Variants in UCK2 observed in about 807,000 individuals in gnomAD.
UCK2 encodes cytidine monophosphokinase 2.
In UCK2, 6 loss-of-function variants were observed where a neutral mutation model predicts 30.8. The ratio of observed to expected loss-of-function variants is 0.19; its 90% CI spans 0.11 to 0.38. The LOEUF (loss-of-function observed/expected upper bound fraction) is 0.38, where lower values mean the gene tolerates loss of function less well. Among genes scored for constraint, UCK2 ranks in the 10% least tolerant of loss-of-function variants. The probability of loss-of-function intolerance (pLI) is 1.00; values close to 1 mark genes in which losing one functional copy is unlikely to be tolerated. For synonymous variants in UCK2, 125 were observed against 133.6 expected, an observed-to-expected ratio of 0.94 and a Z score of 0.45; for missense variants, 210 against 339.8, an observed-to-expected ratio of 0.62 and a Z score of 3.00.
At chr1:165,838,941 G>A (rs867317695) in intron 1 of UCK2, among the ~76,000 whole-genome samples, 17 of 152,018 alleles carry the variant, frequency 1.1e-4, no homozygotes, top group South Asian at 4.2e-4. Flanking sequence ...TCAGCTACTC[G>A]GGAGGCTGAG....
chr1:165,843,945 A>G (rs1303270279), intron 1 of UCK2, among the ~76,000 whole-genome samples: 2 of 152,070 alleles, frequency 1.3e-5, no homozygotes, highest in Non-Finnish European at 2.9e-5. Flanking sequence ...TTTTCAATGT[A>G]TTTCTTTTGG....
intron 1 of UCK2, among the ~76,000 whole-genome samples, chr1:165,828,789 G>T (rs1247868079): frequency 6.6e-6 from 1 of 152,152 alleles, no homozygotes; most frequent in Non-Finnish European, 1.5e-5. Flanking sequence ...TTTTTCTGCA[G>T]GTGGAGAAGG....
intron 1 of UCK2, among the ~76,000 whole-genome samples, chr1:165,870,203 T>G (rs1401190295): frequency 0.015 from 21 of 1,368 alleles, no homozygotes; most frequent in African/African-American, 0.042. Flanking sequence ...CTAACTTCAT[T>G]TTTTTTTTTT....
At chr1:165,829,266 A>C (rs1653980480) in intron 1 of UCK2, among the ~76,000 whole-genome samples, 1 of 152,218 alleles carries the variant, frequency 6.6e-6, no homozygotes. Context: ...GCTTTTAAAA[A>C]AATTTGTAAT....
rs189534450 is a variant in UCK2 at position 165,885,375 on chromosome 1, G to A, written c.100-4829G>A. On this transcript the variant is annotated intron_variant, in intron 1 of 6. Coordinates refer to ENST00000367879, the MANE Select transcript of UCK2 (RefSeq NM_012474.5). ...TTAAATGAGATAATGTCTTCAGAATGCCATGTAAGTAAAGAAATTGTGAAT... is the reference window on the plus strand; with the variant it reads ...TTAAATGAGATAATGTCTTCAGAATACCATGTAAGTAAAGAAATTGTGAAT... 3.0e-5 allele frequency: 12 copies of A among 398,520 alleles called. No individual in the cohort carries two copies. The East Asian group carries it at 4.3e-4, about 14-fold the overall frequency. 24.7% of individuals were successfully genotyped at this position (398,520 alleles called of 1,614,324 possible). A position where few individuals can be genotyped will look rare whatever the true frequency, so the allele number is the denominator to read the frequency against.
chr1:165,831,677 A>G (rs2348837), intron 1 of UCK2, among the ~76,000 whole-genome samples: 37,519 of 151,934 alleles, frequency 0.25, 5,522 homozygotes, highest in East Asian at 0.64. Flanking sequence ...ACCTTGGGTA[A>G]CTCCCCACTG....
intron 1 of UCK2, among the ~76,000 whole-genome samples, chr1:165,858,636 T>G (rs910380391): frequency 6.6e-6 from 1 of 152,134 alleles, no homozygotes; most frequent in Non-Finnish European, 1.5e-5. Context: ...AGGGCCCCTG[T>G]GTTGACTCCC....
intron 1 of UCK2, 137 bp from the exon 2 acceptor site, chr1:165,890,067 C>A: frequency 1.1e-6 from 1 of 894,526 alleles, no homozygotes; most frequent in Non-Finnish European, 1.8e-6. Context: ...ACTCATCATG[C>A]ACGATAGCTG....
At position 165,881,461 on chromosome 1, in the gene UCK2, T is replaced by A. The variant is rs6686485; in HGVS notation, c.100-8743T>A. Among the ~76,000 whole-genome samples the A allele has an allele frequency of 7.3e-3, 1,117 of 152,324 alleles. 20 individuals are homozygous for A. Among genetic ancestry groups the A allele is most frequent in the African/African-American group, 0.026 (1,065 of 41,548 alleles). On this transcript the variant is annotated intron_variant, in intron 1 of 6. Coordinates refer to ENST00000367879, the MANE Select transcript of UCK2 (RefSeq NM_012474.5). ...ATTCTTACTCTACTGCTTACTCTAC[T>A]GTGTGGTGGCGAAGAGCATGCATCT...
Position 165,907,796 on chromosome 1 carries a change from A to G in UCK2, c.759A>G (p.Ala253=), listed in dbSNP as rs1468398235. The G allele has an allele frequency of 6.2e-7, 1 of 1,614,214 alleles. No individual in the cohort carries two copies. Among genetic ancestry groups the G allele is most frequent in the Non-Finnish European group, 8.5e-7 (1 of 1,180,042 alleles). ...NGYTPSRKRQ[A]SESSSRPH ...ACACCCCTTCACGCAAGAGGCAGGC[A>G]TCGGAGTCCAGCAGCAGGCCGCATT... The change falls in exon 7 of 7, where the codon GCA becomes GCG. Residue 253 remains alanine, a synonymous_variant. Transcript: ENST00000367879.
At chr1:165,838,435 A>T (rs181557618) in intron 1 of UCK2, among the ~76,000 whole-genome samples, 1 of 152,302 alleles carries the variant, frequency 6.6e-6, no homozygotes, top group East Asian at 1.9e-4. Flanking sequence ...CAGTATCGTT[A>T]ACCACCTTCC....
intron 1 of UCK2, among the ~76,000 whole-genome samples, chr1:165,839,087 T>C (rs913274241): frequency 6.6e-6 from 1 of 152,034 alleles, no homozygotes; most frequent in African/African-American, 2.4e-5. Flanking sequence ...TGACTTTAAC[T>C]TAAACTTTTA....
At chr1:165,850,358 G>A (rs369960633) in intron 1 of UCK2, among the ~76,000 whole-genome samples, 1 of 152,178 alleles carries the variant, frequency 6.6e-6, no homozygotes, top group Non-Finnish European at 1.5e-5. Context: ...TCAAACTCTC[G>A]ACCTCAAGTG....
chr1:165,856,420 T>TG (rs397735084), intron 1 of UCK2, among the ~76,000 whole-genome samples: 1 of 150,742 alleles, frequency 6.6e-6, no homozygotes, highest in Non-Finnish European at 1.5e-5. Context: ...TTTTTTTTTT[T>TG]GTCATTAAAA....
At position 165,909,783 on chromosome 1, in the gene UCK2, T is replaced by C. The variant is rs480813; in HGVS notation, c.*1960T>C. ...AGCAGGGAATGCAGGCCTGGGTTAG[T>C]ATCCTGAGGACACAGGGCCCCTGGC... On this transcript the variant is annotated 3_prime_UTR_variant, in exon 7 of 7. Transcript: ENST00000367879. 1 allele frequency: 152,255 copies of C among 152,554 alleles called. 75,979 individuals carry two copies. The highest frequency in any genetic ancestry group is 1 in the South Asian group (4,836 of 4,836). 9.5% of individuals were successfully genotyped at this position (152,554 alleles called of 1,614,324 possible).
At chr1:165,828,410 G>C (rs1394380884) in intron 1 of UCK2, among the ~76,000 whole-genome samples, 1 of 152,230 alleles carries the variant, frequency 6.6e-6, no homozygotes, top group Non-Finnish European at 1.5e-5. Flanking sequence ...GCGGCCGAGA[G>C]GGCGAGGGTG....
In UCK2 at chr1:165,848,564, C is replaced by T. The variant is rs528212801; in HGVS notation, c.99+20632C>T. 7.2e-5 allele frequency among the ~76,000 whole-genome samples: 11 copies of T among 151,944 alleles called. 1 individual carries two copies. In the South Asian group the frequency reaches 1.5e-3, roughly 20 times the overall value. ...GGAGAATCGCTTGAACCCACCGAGGCGGAGGTTGTAGTGAGCTGAGATCAT... is the reference window on the plus strand; with the variant it reads ...GGAGAATCGCTTGAACCCACCGAGGTGGAGGTTGTAGTGAGCTGAGATCAT... On this transcript the variant is annotated intron_variant, in intron 1 of 6. Transcript: ENST00000367879.
intron 2 of UCK2, 50 bp downstream of exon 2, chr1:165,890,413 G>T (rs1655737475): frequency 3.2e-6 from 5 of 1,571,092 alleles, no homozygotes; most frequent in Non-Finnish European, 4.4e-6. Context: ...GTGTTGGGGG[G>T]AATAGTTTTA....
At chr1:165,862,205 C>G (rs1024521733) in intron 1 of UCK2, among the ~76,000 whole-genome samples, 1 of 152,118 alleles carries the variant, frequency 6.6e-6, no homozygotes, top group Non-Finnish European at 1.5e-5. Flanking sequence ...TTTAGAGTAC[C>G]GTAGTCTCAG....
Sources: gnomAD v4.1 joint callset for allele counts (sites outside exome capture counted in the v4.1 genomes callset) on GRCh38, gnomAD v4.1.1 for gene constraint, MANE v1.5 for transcripts, NCBI Gene and HGNC (gene_info 2026-07-23, HGNC 2026-07-21) for gene names.